FAM161A: variants seen among roughly 807,000 people sequenced by gnomAD.
FAM161A encodes protein FAM161A.
FAM161A carries 57 observed loss-of-function variants against 70.9 expected under a neutral mutation model. The ratio of observed to expected loss-of-function variants is 0.80; its 90% CI spans 0.65 to 1.00. The LOEUF is 1.00. Among genes scored for constraint, FAM161A ranks in the 50% least tolerant of loss-of-function variants. The pLI is 0.00. For missense variants in FAM161A, 880 were observed against 836.0 expected (o/e 1.05, Z -0.65); for synonymous variants, 299 against 295.7 (o/e 1.01, Z -0.12).
rs1017182965 is a variant in FAM161A, at chr2:61,840,080, C to T, written c.924G>A (p.Arg308=). ...CTTCTTTGCTTTTCTCCTTCAGAGA[C>T]CTTCTCCGTTCTTCTTTTTGCTTGA... ...DLVKQKEERR[R]SLKEKSKEAL... is the part of the protein sequence containing the mutation. Residue 308 remains arginine (R), a synonymous_variant, in exon 3 of 7, where the codon AGG becomes AGA. Coordinates refer to ENST00000404929, the MANE Select transcript of FAM161A (RefSeq NM_001201543.2). 4.9e-5 allele frequency: 79 copies of T among 1,614,072 alleles called. No homozygotes were observed. Among genetic ancestry groups the T allele is most frequent in the Non-Finnish European group, 6.4e-5 (76 of 1,180,054 alleles).
chr2:61,832,833 G>A (rs369600476), intron 5 of FAM161A, among the ~76,000 whole-genome samples: 11 of 152,054 alleles, frequency 7.2e-5, no homozygotes, highest in African/African-American at 2.4e-4. Context: ...CCCACCCCAC[G>A]CAACCCTGGT....
chr2:61,803,540 G>A, the FAM161A span, among the ~76,000 whole-genome samples: 2 of 152,344 alleles, frequency 1.3e-5, no homozygotes, highest in South Asian at 2.1e-4. Context: ...ATAAGGCCGG[G>A]CGCAGTGGCT....
At chr2:61,820,716 C>T (rs1369100537), downstream of FAM161A, 1 of 358,030 alleles carries the variant, frequency 2.8e-6, no homozygotes, top group Admixed American at 3.9e-5. Context: ...AATATTTATA[C>T]ATGAAATATG....
chr2:61,812,504 C>T, the FAM161A span, among the ~76,000 whole-genome samples: 1 of 148,250 alleles, frequency 6.7e-6, no homozygotes, highest in Non-Finnish European at 1.5e-5. Context: ...GGTGGATCAC[C>T]TGAGGTCAGG....
At position 61,842,035 on chromosome 2, in the gene FAM161A, G is replaced by T. The variant is rs957980101; in HGVS notation, c.422+87C>A. ...TGGGAGTACAAAGGGCTATTTAAGAGAAAATATTATGAAGTAACTTTGTTC... is the reference window on the plus strand; with the variant it reads ...TGGGAGTACAAAGGGCTATTTAAGATAAAATATTATGAAGTAACTTTGTTC... On this transcript the variant is annotated intron_variant, in intron 2 of 6. Coordinates refer to ENST00000404929, the MANE Select transcript of FAM161A (RefSeq NM_001201543.2). 6 of 909,202 alleles carry T rather than the reference G, an allele frequency of 6.6e-6. No homozygotes were observed. In the African/African-American group the frequency reaches 8.1e-5, roughly 12 times the overall value. The allele number at this position is 909,202 out of a possible 1,614,324, so 56.3% of individuals were successfully genotyped here.
intron 1 of FAM161A, among the ~76,000 whole-genome samples, chr2:61,851,684 C>T (rs1673502214): frequency 6.6e-6 from 1 of 152,010 alleles, no homozygotes; most frequent in South Asian, 2.1e-4. Flanking sequence ...GATATGTGGA[C>T]CAACATCTCT....
At position 61,842,364 on chromosome 2, in the gene FAM161A, G is replaced by A; in HGVS notation, c.184-4C>T. The stretch of plus-strand genomic sequence containing the variant: ...AAAAGCTGGTGTTCAAATCAGCCTG[G>A]TGGGGAGAAAACACTTGATATATAG... On this transcript the variant is annotated splice_region_variant and splice_polypyrimidine_tract_variant and intron_variant, in intron 1 of 6. Transcript: ENST00000404929. 6.5e-6 allele frequency: 10 copies of A among 1,537,004 alleles called. No individual in the cohort carries two copies. Among genetic ancestry groups the A allele is most frequent in the Non-Finnish European group, 8.0e-6 (9 of 1,131,792 alleles).
At chr2:61,804,768 G>GATAA in the FAM161A span, among the ~76,000 whole-genome samples, 18 of 118,952 alleles carry the variant, frequency 1.5e-4, no homozygotes, top group African/African-American at 5.8e-4. Context: ...GAAAAAGAAA[G>GATAA]AGAAAGAAAG....
intron 1 of FAM161A, among the ~76,000 whole-genome samples, chr2:61,847,415 C>G (rs1309794098): frequency 6.6e-6 from 1 of 152,140 alleles, no homozygotes. Flanking sequence ...CCATTGACGT[C>G]CTACATATCT....
At chr2:61,803,504 A>T in the FAM161A span, 1 of 530,494 alleles carries the variant, frequency 1.9e-6, no homozygotes, top group Admixed American at 3.0e-5. Context: ...ATCTGCGGCC[A>T]TTGAGGATTT....
chr2:61,827,688 G>C (rs1672426021), intron 5 of FAM161A, among the ~76,000 whole-genome samples: 1 of 151,224 alleles, frequency 6.6e-6, no homozygotes, highest in Non-Finnish European at 1.5e-5. Flanking sequence ...TTGAAAATCT[G>C]CATACCCTAT....
chr2:61,813,932 C>T, the FAM161A span, among the ~76,000 whole-genome samples: 1 of 152,246 alleles, frequency 6.6e-6, no homozygotes, highest in East Asian at 1.9e-4. Context: ...AGGGATACAA[C>T]ATCACAACAA....
intron 5 of FAM161A, among the ~76,000 whole-genome samples, chr2:61,830,880 G>A (rs928379715): frequency 6.6e-6 from 1 of 151,522 alleles, no homozygotes; most frequent in African/African-American, 2.4e-5. Flanking sequence ...AGAGGCTGAG[G>A]TGGGCAGATC....
the FAM161A span, among the ~76,000 whole-genome samples, chr2:61,805,502 C>T: frequency 0.082 from 12,447 of 152,140 alleles, 719 homozygotes; most frequent in South Asian, 0.14. Context: ...GGCAGCAGAC[C>T]AAGACTCCAT....
chr2:61,850,226 G>A (rs1440737673), intron 1 of FAM161A, among the ~76,000 whole-genome samples: 1 of 151,982 alleles, frequency 6.6e-6, no homozygotes, highest in East Asian at 1.9e-4. Context: ...GAGAAACCCC[G>A]TCTCTACTAA....
In FAM161A at chr2:61,838,647, G is replaced by T. The variant is rs777004968; in HGVS notation, c.1642C>A (p.Gln548Lys). ...EEERNRILTK[Q>K]KQRMKELQKL... Reference sequence around the variant, plus strand: ...TGCAATTCTTTCATTCTTTGCTTCTGTTTAGTTAGGATCCGATTTCTCTCT... The same window carrying T: ...TGCAATTCTTTCATTCTTTGCTTCTTTTTAGTTAGGATCCGATTTCTCTCT... Residue 548 changes from glutamine to lysine, a missense_variant, in exon 4 of 7, where the codon CAG becomes AAG. Physicochemically the swap from Gln to Lys is moderately conservative, Grantham distance 53. Coordinates refer to ENST00000404929, the MANE Select transcript of FAM161A (RefSeq NM_001201543.2). The T allele has an allele frequency of 1.2e-6, 2 of 1,610,970 alleles. No individual in the cohort carries two copies. Among genetic ancestry groups the T allele is most frequent in the Admixed American group, 1.7e-5 (1 of 59,688 alleles).
chr2:61,824,076 G>C (rs1177617270), downstream of FAM161A, among the ~76,000 whole-genome samples: 1 of 150,388 alleles, frequency 6.6e-6, no homozygotes, highest in African/African-American at 2.5e-5. Flanking sequence ...ACCCAGGCTA[G>C]AGTGCAGTGG....
At chr2:61,811,699 T>C in the FAM161A span, among the ~76,000 whole-genome samples, 7 of 151,804 alleles carry the variant, frequency 4.6e-5, no homozygotes, top group Non-Finnish European at 1.0e-4. Context: ...AGAAATGTGG[T>C]CTCACTATGT....
At position 61,853,874 on chromosome 2, in the gene FAM161A, C is replaced by A. The variant is rs757288565; in HGVS notation, c.168G>T (p.Gln56His). The change falls in exon 1 of 7, where the codon CAG becomes CAT. Residue 56 changes from glutamine to histidine, a missense_variant. Gln to His is a conservative substitution (Grantham distance 24, BLOSUM62 0). Coordinates refer to ENST00000404929, the MANE Select transcript of FAM161A (RefSeq NM_001201543.2). ...LEDEEEEKVA[Q>H]PAGASADLNT... ...CCAGTATTACCGATGCCCCAGCGGG[C>A]TGAGCCACTTTCTCCTCCTCTTCGT... is the stretch of plus-strand genomic sequence containing the variant. The A allele has an allele frequency of 6.2e-7, 1 of 1,613,860 alleles. No homozygotes were observed. Among genetic ancestry groups the A allele is most frequent in the Non-Finnish European group, 8.5e-7 (1 of 1,179,852 alleles).
Sources: allele counts gnomAD v4.1 joint callset (sites outside exome capture counted in the v4.1 genomes callset), GRCh38; gene constraint gnomAD v4.1.1; transcripts MANE v1.5; gene names NCBI Gene and HGNC (gene_info 2026-07-23, HGNC 2026-07-21).